YTHDC2: variants seen among roughly 807,000 people sequenced by gnomAD.
YTHDC2 encodes the protein 3'-5' RNA helicase YTHDC2.
A neutral mutation model predicts 174.9 loss-of-function variants in YTHDC2; 45 were observed. The ratio of observed to expected loss-of-function variants is 0.26; its 90% CI spans 0.20 to 0.33. The LOEUF is 0.33. Ranked by LOEUF, YTHDC2 falls within the 10% of genes least tolerant of loss-of-function variation. YTHDC2 has a pLI of 1.00. For synonymous variants in YTHDC2, 657 were observed against 574.5 expected, an observed-to-expected ratio of 1.14 and a Z score of -2.05; for missense variants, 1,650 against 1,723.7, an observed-to-expected ratio of 0.96 and a Z score of 0.76.
rs1779152623 is a variant in YTHDC2, at chr5:113,594,328, AAC to A, written c.*856_*857del. 6.6e-6 allele frequency: 1 copy of A among 152,128 alleles called. No individual in the cohort carries two copies. Among genetic ancestry groups the A allele is most frequent in the African/African-American group, 2.4e-5 (1 of 41,442 alleles). The allele number at this position is 152,128 out of a possible 1,614,324, so 9.4% of individuals were successfully genotyped here. On this transcript the variant is annotated 3_prime_UTR_variant, in exon 30 of 30. Transcript: ENST00000161863. The stretch of plus-strand genomic sequence containing the variant: ...TTTGTTTTGGCTACAACTTGATTGA[AAC>A]AAGTTCAAAATTTAAACAAGTTCAT...
intron 20 of YTHDC2, among the ~76,000 whole-genome samples, chr5:113,565,027 T>G (rs1455615924): frequency 6.6e-6 from 1 of 152,096 alleles, no homozygotes; most frequent in Non-Finnish European, 1.5e-5. Context: ...TGGGCCAGGC[T>G]GGTCTCGAAC....
intron 26 of YTHDC2, among the ~76,000 whole-genome samples, chr5:113,586,932 ATAT>A (rs1275698972): frequency 4.4e-5 from 5 of 114,764 alleles, no homozygotes; most frequent in African/African-American, 1.7e-4. Flanking sequence ...ATATAAATAT[ATAT>A]TATGTATTCA....
At position 113,535,653 on chromosome 5, in the gene YTHDC2, T is replaced by C; in HGVS notation, c.957T>C (p.His319=). The C allele has an allele frequency of 1.9e-6, 3 of 1,612,730 alleles. No homozygotes were observed. The highest frequency in any genetic ancestry group is 2.5e-6 in the Non-Finnish European group (3 of 1,179,484). Residue 319 remains histidine, a synonymous_variant, in exon 7 of 30, where the codon CAT becomes CAC. Coordinates refer to ENST00000161863, the MANE Select transcript of YTHDC2 (RefSeq NM_022828.5). ...TCTGTTTACTATAGGATGAAGTGCA[T>C]GAAAGGGATCGATTTAGTGATTTTT... ...TVTHVIVDEV[H]ERDRFSDFLL...
At chr5:113,584,181 T>A (rs1050320029) in intron 25 of YTHDC2, 121 bp from the exon 26 acceptor site, 2 of 755,646 alleles carry the variant, frequency 2.6e-6, no homozygotes, top group Middle Eastern at 2.7e-4. Context: ...CCATAAATCA[T>A]AAGATCATTG....
chr5:113,553,148 T>G (rs1040604625), intron 12 of YTHDC2, 33 bp from the exon 13 acceptor site: 5 of 1,452,190 alleles, frequency 3.4e-6, no homozygotes, highest in Non-Finnish European at 4.5e-6. Context: ...TAATGGAAAT[T>G]GACTTTGTCT....
intron 24 of YTHDC2, 75 bp downstream of exon 24, chr5:113,579,770 T>C: frequency 7.2e-7 from 1 of 1,393,112 alleles, no homozygotes. Context: ...ATGATAAAAT[T>C]TTTTTCTTTA....
At position 113,556,048 on chromosome 5, in the gene YTHDC2, A is replaced by C. The variant is rs1376028759; in HGVS notation, c.2134-4A>C. 6.4e-7 allele frequency: 1 copy of C among 1,561,120 alleles called. No individual in the cohort carries two copies. Among genetic ancestry groups the C allele is most frequent in the Non-Finnish European group, 8.8e-7 (1 of 1,134,566 alleles). On this transcript the variant is annotated splice_region_variant and splice_polypyrimidine_tract_variant and intron_variant, in intron 16 of 29. Transcript: ENST00000161863. Reference sequence around the variant, plus strand: ...CTAACATAAAGATGGTTTAAATATTACAGAAATCCTTTGATGCTCTGAATT... The same window carrying C: ...CTAACATAAAGATGGTTTAAATATTCCAGAAATCCTTTGATGCTCTGAATT...
intron 12 of YTHDC2, 90 bp from the exon 13 acceptor site, chr5:113,553,091 T>G (rs1776360053): frequency 8.0e-7 from 1 of 1,245,880 alleles, no homozygotes; most frequent in Non-Finnish European, 1.1e-6. Flanking sequence ...TACCTTACCT[T>G]CCTTAGGGAA....
chr5:113,537,693 C>A (rs923499695), intron 7 of YTHDC2, among the ~76,000 whole-genome samples: 5 of 151,744 alleles, frequency 3.3e-5, no homozygotes, highest in African/African-American at 1.2e-4. Context: ...TCTATTTTTT[C>A]TTTTATACTG....
At chr5:113,567,427 T>TAAAA (rs138503872) in intron 22 of YTHDC2, 130 bp downstream of exon 22, 55 of 375,108 alleles carry the variant, frequency 1.5e-4, no homozygotes, top group African/African-American at 5.1e-4. Context: ...TATATATATA[T>TAAAA]CATTAAATAT....
At chr5:113,554,916 G>C (rs1423098039) in intron 16 of YTHDC2, among the ~76,000 whole-genome samples, 3 of 151,840 alleles carry the variant, frequency 2.0e-5, no homozygotes, top group African/African-American at 7.3e-5. Context: ...CTATTTAGTG[G>C]ATAAAAATGA....
At chr5:113,579,272 C>G (rs1328920981) in intron 23 of YTHDC2, among the ~76,000 whole-genome samples, 1 of 152,038 alleles carries the variant, frequency 6.6e-6, no homozygotes, top group Non-Finnish European at 1.5e-5. Flanking sequence ...GTAGTATAGT[C>G]ATTCCTTCCT....
chr5:113,588,676 G>A (rs978909973), intron 26 of YTHDC2, among the ~76,000 whole-genome samples: 2 of 151,744 alleles, frequency 1.3e-5, no homozygotes, highest in African/African-American at 4.8e-5. Context: ...AGGCTGGAGT[G>A]CAGTGGCGCG....
chr5:113,567,981 T>C (rs1777458249), intron 23 of YTHDC2, 132 bp downstream of exon 23: 1 of 591,542 alleles, frequency 1.7e-6, no homozygotes, highest in Non-Finnish European at 2.6e-6. Flanking sequence ...TTTGATGTAC[T>C]AAGACTAATT....
rs770990302 is a variant in YTHDC2 at position 113,592,190 on chromosome 5, C to CT, written c.4212+12_4212+13insT. ...GCAGGGATGGGCAGGTATACAATGGCATTTTTTTTTTTATTTACTTTTGTT... is the reference window on the plus strand; with the variant it reads ...GCAGGGATGGGCAGGTATACAATGGCTATTTTTTTTTTTATTTACTTTTGTT... On this transcript the variant is annotated intron_variant, in intron 28 of 29. Coordinates refer to ENST00000161863, the MANE Select transcript of YTHDC2 (RefSeq NM_022828.5). 20 of 1,479,794 alleles carry CT rather than the reference C, an allele frequency of 1.4e-5. No individual in the cohort carries two copies. In the African/African-American group the frequency reaches 3.1e-4, roughly 23 times the overall value. 91.7% of individuals were successfully genotyped at this position (1,479,794 alleles called of 1,614,324 possible).
chr5:113,540,847 A>G (rs1418802683), intron 8 of YTHDC2, 121 bp from the exon 9 acceptor site: 2 of 826,154 alleles, frequency 2.4e-6, no homozygotes, highest in Non-Finnish European at 3.6e-6. Flanking sequence ...TTTTAAAAGT[A>G]ACTACAGAAT....
chr5:113,567,107 G>A lies in YTHDC2; in HGVS notation c.2858G>A (p.Arg953Gln), dbSNP rs1248803141. The A allele has an allele frequency of 6.2e-7, 1 of 1,613,418 alleles. No individual in the cohort carries two copies. Among genetic ancestry groups the A allele is most frequent in the Admixed American group, 1.7e-5 (1 of 59,866 alleles). The change falls in exon 22 of 30, where the codon CGA (arginine) becomes CAA (glutamine). Residue 953 changes from arginine (R) to glutamine (Q), a missense_variant. Around this residue, in one of 5 missense-constraint regions of YTHDC2, gnomAD observed 913 missense variants for 940.4 expected, o/e 0.97. Coordinates refer to ENST00000161863, the MANE Select transcript of YTHDC2 (RefSeq NM_022828.5). ...TCCCCTCTAGGTTTTGTTAGAGCAC[G>A]AGGTGGTGGTGACATTCGGGACGTT... ...QLRASGFVRA[R>Q]GGGDIRDVNT... is the part of the protein sequence containing the mutation.
chr5:113,561,999 T>TGTGTGTGTGTGTGTG (rs1561676110), intron 18 of YTHDC2, among the ~76,000 whole-genome samples: 5 of 147,822 alleles, frequency 3.4e-5, no homozygotes, highest in Admixed American at 6.7e-5. Flanking sequence ...TGTGTGTGTG[T>TGTGTGTGTGTGTGTG]TTTAAGTTTT....
intron 17 of YTHDC2, among the ~76,000 whole-genome samples, chr5:113,560,648 T>A (rs1169538534): frequency 6.6e-6 from 1 of 152,226 alleles, no homozygotes; most frequent in African/African-American, 2.4e-5. Context: ...TGCAAGTCTT[T>A]ATGATGACAG....
Sources: allele counts gnomAD v4.1 joint callset (sites outside exome capture counted in the v4.1 genomes callset), GRCh38; gene constraint gnomAD v4.1.1; regional missense constraint gnomAD v4.1.1; transcripts MANE v1.5; gene names NCBI Gene and HGNC (gene_info 2026-07-23, HGNC 2026-07-21).